COL4A1: variants seen among roughly 807,000 people sequenced by gnomAD.
COL4A1 encodes the protein collagen type IV alpha 1 chain, also known as collagen alpha-1(IV) chain.
In COL4A1, 40 loss-of-function variants were observed where a neutral mutation model predicts 216.6. The observed-to-expected ratio is 0.18, with a 90% CI of 0.14 to 0.24. COL4A1 has a LOEUF of 0.24. COL4A1 is among the 10% of genes least tolerant of loss of function. COL4A1 has a pLI of 1.00. For missense variants in COL4A1, 1,628 were observed against 2,196.8 expected (o/e 0.74, Z 5.18); for synonymous variants, 839 against 810.7 (o/e 1.03, Z -0.59).
chr13:110,190,995 G>A (rs971207788), intron 24 of COL4A1: 19 of 152,330 alleles, frequency 1.2e-4, no homozygotes, highest in African/African-American at 4.3e-4. Context: ...GAGATGAAGC[G>A]GTGCATAGAG....
intron 1 of COL4A1, among the ~76,000 whole-genome samples, chr13:110,249,443 G>T (rs1204598296): frequency 6.6e-6 from 1 of 152,142 alleles, no homozygotes; most frequent in Non-Finnish European, 1.5e-5. Context: ...TATATTCACG[G>T]AAGGGAGTCC....
intron 2 of COL4A1, among the ~76,000 whole-genome samples, chr13:110,231,591 C>T (rs1176544160): frequency 6.6e-6 from 1 of 152,180 alleles, no homozygotes; most frequent in Non-Finnish European, 1.5e-5. Flanking sequence ...TGTGCTATTA[C>T]TGGCTAGCAT....
Position 110,181,293 on chromosome 13 carries a change from T to A in COL4A1, c.2192A>T (p.Lys731Met). 6.2e-7 allele frequency: 1 copy of A among 1,613,836 alleles called. No homozygotes were observed. The highest frequency in any genetic ancestry group is 8.5e-7 in the Non-Finnish European group (1 of 1,179,792). ...LPGNPGVQGQ[K>M]GEPGVGLPGL... ...ATGGAGGGAATGCTTGGCACTCACC[T>A]TCTGGCCCTGCACACCTGGGTTCCC... Residue 731 changes from lysine (K) to methionine (M), a missense_variant and splice_region_variant, in exon 29 of 52, where the codon AAG becomes ATG. Physicochemically the swap from Lys to Met is moderately conservative, Grantham distance 95. This residue lies in a region of COL4A1 where 701 missense variants were observed against 892.5 expected (regional missense o/e 0.79). Transcript: ENST00000375820.
chr13:110,227,387 GACACACACACACACAC>G (rs373355054), intron 2 of COL4A1, among the ~76,000 whole-genome samples: 2 of 138,676 alleles, frequency 1.4e-5, no homozygotes, highest in African/African-American at 2.7e-5. Flanking sequence ...GGGTACGGTA[GACACACACACACACAC>G]ACACACACAC....
intron 1 of COL4A1, among the ~76,000 whole-genome samples, chr13:110,303,884 G>T (rs1345038666): frequency 6.6e-6 from 1 of 152,220 alleles, no homozygotes; most frequent in Non-Finnish European, 1.5e-5. Flanking sequence ...ATGAAGGAAG[G>T]CACAAACGGG....
At position 110,210,303 on chromosome 13, in the gene COL4A1, G is replaced by A. The variant is rs140246383; in HGVS notation, c.469-91C>T. 277 of 1,201,484 alleles carry A rather than the reference G, an allele frequency of 2.3e-4. 1 individual carries two copies. In the East Asian group the frequency reaches 5.7e-3, roughly 25 times the overall value. The allele number at this position is 1,201,484 out of a possible 1,614,324, so 74.4% of individuals were successfully genotyped here. ...TCTTTGATAGTTGGCATATATTAGT[G>A]TTACAGGACTAGCCTAAGTCTGGGA... On this transcript the variant is annotated intron_variant, in intron 8 of 51. Transcript: ENST00000375820.
At chr13:110,190,557 C>T (rs1322518637) in intron 24 of COL4A1, among the ~76,000 whole-genome samples, 1 of 152,132 alleles carries the variant, frequency 6.6e-6, no homozygotes, top group East Asian at 1.9e-4. Flanking sequence ...CACAGAAATG[C>T]TATCTAAGTC....
Position 110,152,473 on chromosome 13 carries a change from C to G in COL4A1, c.4789G>C (p.Ala1597Pro). Residue 1597 changes from alanine (A) to proline (P), a missense_variant, in exon 51 of 52, where the codon GCC becomes CCC. Transcript: ENST00000375820. ...TSAGAEGSGQ[A>P]LASPGSCLEE... ...AGGCAGGAGCCGGGGGACGCCAGGG[C>G]TTGGCCAGAGCCTTCTGCACCAGCG... is the stretch of plus-strand genomic sequence containing the variant. 1 of 1,613,692 alleles carries G rather than the reference C, an allele frequency of 6.2e-7. No individual in the cohort carries two copies. Among genetic ancestry groups the G allele is most frequent in the Non-Finnish European group, 8.5e-7 (1 of 1,179,996 alleles).
At chr13:110,239,735 G>C (rs997782697) in intron 2 of COL4A1, among the ~76,000 whole-genome samples, 22 of 152,180 alleles carry the variant, frequency 1.4e-4, no homozygotes, top group African/African-American at 5.1e-4. Context: ...GCAGAAGGTA[G>C]AAGGTGGCAG....
At chr13:110,226,645 T>C (rs1880748647) in intron 2 of COL4A1, among the ~76,000 whole-genome samples, 1 of 152,230 alleles carries the variant, frequency 6.6e-6, no homozygotes, top group South Asian at 2.1e-4. Context: ...CTGGAGGTTT[T>C]ACAAAACCCA....
intron 50 of COL4A1, among the ~76,000 whole-genome samples, chr13:110,154,850 AGAGAAGCTAGTCATATG>A (rs1156621506): frequency 1.3e-5 from 2 of 152,268 alleles, no homozygotes; most frequent in African/African-American, 4.8e-5. Context: ...CTGGTCATAC[AGAGAAGCTAGTCATATG>A]GAGAAGCTGG....
At chr13:110,204,648 A>AT (rs377187830) in intron 17 of COL4A1, among the ~76,000 whole-genome samples, 13,723 of 142,804 alleles carry the variant, frequency 0.096, 637 homozygotes, top group East Asian at 0.12. Flanking sequence ...TATTTTTTAG[A>AT]TTTTTTTTTT....
intron 1 of COL4A1, among the ~76,000 whole-genome samples, chr13:110,284,559 G>A (rs974287440): frequency 5.2e-4 from 79 of 152,274 alleles, no homozygotes; most frequent in South Asian, 2.1e-4. Context: ...ATTTTTCACC[G>A]ATTTTTGTGC....
At chr13:110,219,678 G>GTGTATATA (rs1555307863) in intron 2 of COL4A1, among the ~76,000 whole-genome samples, 2 of 123,236 alleles carry the variant, frequency 1.6e-5, no homozygotes, top group Non-Finnish European at 3.3e-5. Context: ...ATATATATAT[G>GTGTATATA]TGTATATATA....
At chr13:110,197,984 G>A (rs1354050531) in intron 21 of COL4A1, among the ~76,000 whole-genome samples, 2 of 152,012 alleles carry the variant, frequency 1.3e-5, no homozygotes, top group Non-Finnish European at 2.9e-5. Context: ...AGACTTCCAT[G>A]TTACATGTTC....
Position 110,211,950 on chromosome 13 carries a change from A to G in COL4A1, c.388-28T>C. 6.2e-7 allele frequency: 1 copy of G among 1,611,386 alleles called. No homozygotes were observed. The highest frequency in any genetic ancestry group is 1.1e-5 in the South Asian group (1 of 91,030). ...GGGGAGACAGCAGAGCATCATTCATACGCACTGTGTGTGGCAGACACATCA... is the reference window on the plus strand; with the variant it reads ...GGGGAGACAGCAGAGCATCATTCATGCGCACTGTGTGTGGCAGACACATCA... On this transcript the variant is annotated intron_variant, in intron 6 of 51. Transcript: ENST00000375820. This position sits in a 1 kb window ranked among gnomAD's most constrained non-coding sequence, Gnocchi z 4.3.
chr13:110,219,880 A>ATATATGTGTGTGTATATATATG (rs1880366670), intron 2 of COL4A1, among the ~76,000 whole-genome samples: 1 of 103,112 alleles, frequency 9.7e-6, no homozygotes, highest in African/African-American at 4.1e-5. Context: ...GTATATATGT[A>ATATATGTGTGTGTATATATATG]TATATATGTG....
chr13:110,306,863 G>A lies in COL4A1; in HGVS notation c.84+81C>T, dbSNP rs1212659753. 11 of 1,319,852 alleles carry A rather than the reference G, an allele frequency of 8.3e-6. No homozygotes were observed. The Admixed American group carries it at 3.1e-4, about 38-fold the overall frequency. 81.8% of individuals were successfully genotyped at this position (1,319,852 alleles called of 1,614,324 possible). A position where few individuals can be genotyped will look rare whatever the true frequency, so the allele number is the denominator to read the frequency against. On this transcript the variant is annotated intron_variant, in intron 1 of 51. Transcript: ENST00000375820. ...CGACCCCCGAGGGGCAGGCGGACGG[G>A]TCCAGGCGCGGACAAAGGGGCCTCT...
chr13:110,192,934 G>A (rs368597293), intron 22 of COL4A1, 21 bp from the exon 23 acceptor site: 4 of 1,608,270 alleles, frequency 2.5e-6, no homozygotes, highest in South Asian at 1.1e-5. Flanking sequence ...AAACACAAAG[G>A]TGCTTACGTG....
Sources: allele counts gnomAD v4.1 joint callset (sites outside exome capture counted in the v4.1 genomes callset), GRCh38; gene constraint gnomAD v4.1.1; regional missense constraint gnomAD v4.1.1; non-coding constraint Gnocchi (gnomAD v3.1); transcripts MANE v1.5; gene names NCBI Gene and HGNC (gene_info 2026-07-23, HGNC 2026-07-21).